The following ARSK variants were observed in gnomAD, a reference collection of about 807,000 sequenced individuals.
The protein encoded by ARSK is arylsulfatase K.
A neutral mutation model predicts 53.2 loss-of-function variants in ARSK; 37 were observed. The ratio of observed to expected loss-of-function variants is 0.70; its 90% CI spans 0.54 to 0.92. The LOEUF is 0.92. ARSK is among the 40% of genes least tolerant of loss of function. ARSK has a pLI of 0.00. For synonymous variants in ARSK, 208 were observed against 223.2 expected (o/e 0.93, Z 0.61); for missense variants, 613 against 643.0 (o/e 0.95, Z 0.51).
Position 95,555,501 on chromosome 5 carries a change from C to G in ARSK, c.126+97C>G. On this transcript the variant is annotated intron_variant, in intron 1 of 7. Coordinates refer to ENST00000380009, the MANE Select transcript of ARSK (RefSeq NM_198150.3). The surrounding 1 kb of genome is among the most constrained non-coding windows in gnomAD (Gnocchi z 4.0). ...AGGCTTTGGGGAGCAGAACCTGAGACATTTTCAAACACCTTTTACCCCGAT... is the reference window on the plus strand; with the variant it reads ...AGGCTTTGGGGAGCAGAACCTGAGAGATTTTCAAACACCTTTTACCCCGAT... The G allele has an allele frequency of 7.7e-7, 1 of 1,298,736 alleles. No individual in the cohort carries two copies. The highest frequency in any genetic ancestry group is 1.0e-6 in the Non-Finnish European group (1 of 972,624). The allele number at this position is 1,298,736 out of a possible 1,614,324, so 80.5% of individuals were successfully genotyped here.
chr5:95,591,448 A>G lies in ARSK; in HGVS notation c.919A>G (p.Ile307Val), dbSNP rs1199141703. ...LHQLDLLQKT[I>V]VIYSSDHGEL... ...TCAATTAGATCTTCTTCAGAAAACT[A>G]TTGTCATATACTCCTCAGACCATGG... The change falls in exon 6 of 8, where the codon ATT becomes GTT. Residue 307 changes from isoleucine (I) to valine (V), a missense_variant. Coordinates refer to ENST00000380009, the MANE Select transcript of ARSK (RefSeq NM_198150.3). The G allele has an allele frequency of 6.2e-7, 1 of 1,614,100 alleles. No homozygotes were observed. Among genetic ancestry groups the G allele is most frequent in the Non-Finnish European group, 8.5e-7 (1 of 1,179,958 alleles).
intron 6 of ARSK, among the ~76,000 whole-genome samples, chr5:95,595,144 T>C (rs1217025778): frequency 6.6e-6 from 1 of 152,162 alleles, no homozygotes; most frequent in Non-Finnish European, 1.5e-5. Flanking sequence ...TAGCATCTCA[T>C]AGCAGTCAAA....
rs1288158577 is a variant in ARSK at position 95,605,069 on chromosome 5, T to G, written c.*1543T>G. The G allele has an allele frequency of 6.6e-6, 1 of 152,246 alleles. No homozygotes were observed. The highest frequency in any genetic ancestry group is 1.5e-5 in the Non-Finnish European group (1 of 68,044). 9.4% of individuals were successfully genotyped at this position (152,246 alleles called of 1,614,324 possible). ...AAAATATTAGTACAAAATTTACAGA[T>G]CTTTGCTTTTGTGGCTTTTGGGATT... On this transcript the variant is annotated 3_prime_UTR_variant, in exon 8 of 8. Transcript: ENST00000380009.
chr5:95,601,494 CTA>C (rs1749401207), intron 7 of ARSK, among the ~76,000 whole-genome samples: 1 of 152,156 alleles, frequency 6.6e-6, no homozygotes, highest in Non-Finnish European at 1.5e-5. Context: ...ACAGAGGAGT[CTA>C]TGAGAGAAAT....
chr5:95,596,414 A>G (rs1273231608), intron 6 of ARSK, among the ~76,000 whole-genome samples: 1 of 152,208 alleles, frequency 6.6e-6, no homozygotes, highest in African/African-American at 2.4e-5. Flanking sequence ...CTGTTTACAC[A>G]CACAGAGGAG....
chr5:95,596,368 T>C (rs1054488760), intron 6 of ARSK, among the ~76,000 whole-genome samples: 1 of 152,210 alleles, frequency 6.6e-6, no homozygotes, highest in African/African-American at 2.4e-5. Flanking sequence ...CCTTTCTTTA[T>C]TAGTTTAGCT....
intron 3 of ARSK, among the ~76,000 whole-genome samples, chr5:95,571,735 A>G (rs1748835032): frequency 6.6e-6 from 1 of 152,216 alleles, no homozygotes; most frequent in South Asian, 2.1e-4. Context: ...GGAAATTGAA[A>G]TAAGCCACCA....
At chr5:95,566,301 G>A (rs968404673) in intron 2 of ARSK, among the ~76,000 whole-genome samples, 174 bp downstream of exon 2, 1 of 152,192 alleles carries the variant, frequency 6.6e-6, no homozygotes, top group Admixed American at 6.5e-5. Flanking sequence ...TGTTCAAATT[G>A]TATTTTTCAA....
chr5:95,583,653 A>C (rs1257355570), intron 4 of ARSK, among the ~76,000 whole-genome samples: 1 of 152,192 alleles, frequency 6.6e-6, no homozygotes, highest in Non-Finnish European at 1.5e-5. Flanking sequence ...ATATTTATAT[A>C]GTGCACTATA....
Position 95,591,577 on chromosome 5 carries a change from C to T in ARSK, c.1048C>T (p.Gln350Ter). 9 of 1,614,126 alleles carry T rather than the reference C, an allele frequency of 5.6e-6. No individual in the cohort carries two copies. The highest frequency in any genetic ancestry group is 7.6e-6 in the Non-Finnish European group (9 of 1,180,022). ...GGGACCAGGAATTAAAGCCGGCCTA[C>T]AAGTATCAAATGTGGTTTCTCTTGT... Reference protein sequence around the residue: ...MMGPGIKAGLQVSNVVSLVDI... With the variant: ...MMGPGIKAGL Residue 350 changes from glutamine (Q) to a stop codon, truncating the protein, a stop_gained, in exon 6 of 8, where the codon CAA becomes TAA. Transcript: ENST00000380009. LOFTEE classifies it high-confidence loss of function.
intron 6 of ARSK, among the ~76,000 whole-genome samples, chr5:95,595,409 T>C (rs1247349729): frequency 6.6e-6 from 1 of 152,138 alleles, no homozygotes; most frequent in Non-Finnish European, 1.5e-5. Context: ...AGTAAAGGCA[T>C]GGAATCAACC....
intron 4 of ARSK, among the ~76,000 whole-genome samples, chr5:95,584,585 G>C (rs1425217011): frequency 6.6e-6 from 1 of 152,056 alleles, no homozygotes; most frequent in Non-Finnish European, 1.5e-5. Context: ...CACAGCAAAA[G>C]AAATTATCAG....
chr5:95,597,625 G>T (rs1222895651), intron 6 of ARSK, among the ~76,000 whole-genome samples: 1 of 152,206 alleles, frequency 6.6e-6, no homozygotes, highest in Non-Finnish European at 1.5e-5. Flanking sequence ...CAGGCGTGGT[G>T]GCTCACGCCT....
chr5:95,580,735 A>G (rs1284294914), intron 3 of ARSK, among the ~76,000 whole-genome samples: 1 of 152,170 alleles, frequency 6.6e-6, no homozygotes, highest in Non-Finnish European at 1.5e-5. Context: ...TAGAATGGAG[A>G]GTCATTGATT....
intron 1 of ARSK, among the ~76,000 whole-genome samples, chr5:95,560,424 C>G (rs988088828): frequency 6.6e-6 from 1 of 151,874 alleles, no homozygotes; most frequent in Admixed American, 6.6e-5. Context: ...AAGACATACA[C>G]CTCCCAATTT....
At chr5:95,591,835 C>T (rs968090843) in intron 6 of ARSK, among the ~76,000 whole-genome samples, 1 of 152,174 alleles carries the variant, frequency 6.6e-6, no homozygotes, top group Non-Finnish European at 1.5e-5. Context: ...TTACTATAGT[C>T]ATTTTCCCTC....
intron 1 of ARSK, among the ~76,000 whole-genome samples, 195 bp from the exon 2 acceptor site, chr5:95,565,803 G>T (rs994938901): frequency 5.0e-4 from 76 of 152,152 alleles, no homozygotes; most frequent in African/African-American, 1.8e-3. Flanking sequence ...ATGAATCCAA[G>T]TGTAACGCTG....
intron 5 of ARSK, 123 bp from the exon 6 acceptor site, chr5:95,591,278 A>G (rs1222915448): frequency 1.9e-5 from 15 of 789,732 alleles, no homozygotes; most frequent in Non-Finnish European, 2.0e-5. Context: ...AACAGTAGGT[A>G]ATATTCAGAT....
At chr5:95,582,355 A>T (rs1315032901) in intron 3 of ARSK, among the ~76,000 whole-genome samples, 1 of 152,148 alleles carries the variant, frequency 6.6e-6, no homozygotes, top group Non-Finnish European at 1.5e-5. Context: ...TCTCTGGTTT[A>T]TAATGGATAT....
Sources: gnomAD v4.1 joint callset for allele counts (sites outside exome capture counted in the v4.1 genomes callset) on GRCh38, gnomAD v4.1.1 for gene constraint, Gnocchi (gnomAD v3.1) non-coding constraint, MANE v1.5 for transcripts, NCBI Gene and HGNC (gene_info 2026-07-23, HGNC 2026-07-21) for gene names.